The following RANGRF variants were observed in gnomAD, a reference collection of about 807,000 sequenced individuals.
RANGRF encodes RAN guanine nucleotide release factor.
RANGRF carries 17 observed loss-of-function variants against 21.8 expected under a neutral mutation model. The ratio of observed to expected loss-of-function variants is 0.78; its 90% confidence interval spans 0.53 to 1.17. The LOEUF (loss-of-function observed/expected upper bound fraction) is 1.17. Among genes scored for constraint, RANGRF ranks in the 50% most tolerant of loss-of-function variants. The pLI is 0.00. For synonymous variants in RANGRF, 97 were observed against 94.3 expected (o/e 1.03, Z -0.17); for missense variants, 225 against 235.5 (o/e 0.96, Z 0.29).
chr17:8,289,466 G>A lies in RANGRF; in HGVS notation c.352-37G>A, dbSNP rs1408595396. 5.6e-6 allele frequency: 9 copies of A among 1,614,066 alleles called. No homozygotes were observed. In the South Asian group the frequency reaches 9.9e-5, roughly 18 times the overall value. On this transcript the variant is annotated intron_variant, in intron 3 of 4. Transcript: ENST00000226105. ...CTGGAAGGGCGGTAGCGGGGACGCAGAGATCCAGGTAAGCATCCTGACTCT... is the reference window on the plus strand; with the variant it reads ...CTGGAAGGGCGGTAGCGGGGACGCAAAGATCCAGGTAAGCATCCTGACTCT...
rs751151619 is a variant in RANGRF at position 8,289,609 on chromosome 17, G to C, written c.437+21G>C. 11 of 1,609,776 alleles carry C rather than the reference G, an allele frequency of 6.8e-6. No homozygotes were observed. In the South Asian group the frequency reaches 1.2e-4, roughly 18 times the overall value. On this transcript the variant is annotated intron_variant, in intron 4 of 4. Coordinates refer to ENST00000226105, the MANE Select transcript of RANGRF (RefSeq NM_016492.5). The stretch of plus-strand genomic sequence containing the variant: ...CCCCCGTAAGGAGGAAGGAACGGGC[G>C]GGTATCTCATGACTGGGTTCCCAGG...
rs1990230697 is a variant in RANGRF, at chr17:8,288,694, C to T, written c.-95C>T. On this transcript the variant is annotated 5_prime_UTR_variant, in exon 1 of 5. Coordinates refer to ENST00000226105, the MANE Select transcript of RANGRF (RefSeq NM_016492.5). Reference sequence around the variant, plus strand: ...CGGGAGCTAAGCCAGACCCGGGTGGCGGTGGCAGCTGCGAAACCCAGGGAG... The same window carrying T: ...CGGGAGCTAAGCCAGACCCGGGTGGTGGTGGCAGCTGCGAAACCCAGGGAG... The T allele has an allele frequency of 3.6e-6, 5 of 1,372,456 alleles. No individual in the cohort carries two copies. Among genetic ancestry groups the T allele is most frequent in the East Asian group, 2.3e-5 (1 of 43,586 alleles). The allele number at this position is 1,372,456 out of a possible 1,614,324, so 85.0% of individuals were successfully genotyped here.
At position 8,290,038 on chromosome 17, in the gene RANGRF, G is replaced by A; in HGVS notation, c.*102G>A. ...GGGTTTCCTCTTATTTCTTCCCTGT[G>A]CGTAAACATAAGACAATCCCTCTTC... On this transcript the variant is annotated 3_prime_UTR_variant, in exon 5 of 5. Transcript: ENST00000226105. 6.3e-7 allele frequency: 1 copy of A among 1,597,402 alleles called. No homozygotes were observed. Among genetic ancestry groups the A allele is most frequent in the Non-Finnish European group, 8.6e-7 (1 of 1,169,428 alleles).
Position 8,289,550 on chromosome 17 carries a change from G to T in RANGRF, c.399G>T (p.Gln133His). 6.2e-7 allele frequency: 1 copy of T among 1,614,066 alleles called. No individual in the cohort carries two copies. Among genetic ancestry groups the T allele is most frequent in the Non-Finnish European group, 8.5e-7 (1 of 1,179,958 alleles). Residue 133 changes from glutamine to histidine, a missense_variant, in exon 4 of 5, where the codon CAG (glutamine) becomes CAT (histidine). Coordinates refer to ENST00000226105, the MANE Select transcript of RANGRF (RefSeq NM_016492.5). The part of the protein sequence containing the change: ...TLHQALLRLP[Q>H]YQTDLLLTFN... ...ATCAGGCCTTGCTGAGGCTGCCCCA[G>T]TACCAGACTGATCTCTTGCTTACCT...
At position 8,288,877 on chromosome 17, in the gene RANGRF, G is replaced by A; in HGVS notation, c.77+12G>A. Reference sequence around the variant, plus strand: ...GCCATTGACGTAAGGTGAGAAGGCCGGGGCGCCCAGGGGCGGCTGACTGGG... The same window carrying A: ...GCCATTGACGTAAGGTGAGAAGGCCAGGGCGCCCAGGGGCGGCTGACTGGG... On this transcript the variant is annotated intron_variant, in intron 1 of 4. Coordinates refer to ENST00000226105, the MANE Select transcript of RANGRF (RefSeq NM_016492.5). 18 of 1,614,158 alleles carry A rather than the reference G, an allele frequency of 1.1e-5. No homozygotes were observed. Among genetic ancestry groups the A allele is most frequent in the Non-Finnish European group, 1.4e-5 (17 of 1,179,994 alleles).
chr17:8,289,355 C>T lies in RANGRF; in HGVS notation c.292C>T (p.Arg98Cys), dbSNP rs2151609771. The T allele has an allele frequency of 6.2e-7, 1 of 1,614,130 alleles. No individual in the cohort carries two copies. The highest frequency in any genetic ancestry group is 2.2e-5 in the East Asian group (1 of 44,878). The change falls in exon 3 of 5, where the codon CGC becomes TGC. Residue 98 changes from arginine to cysteine, a missense_variant. By Grantham distance (180) the Arg-to-Cys change is radical. Coordinates refer to ENST00000226105, the MANE Select transcript of RANGRF (RefSeq NM_016492.5). The part of the protein sequence containing the change: ...LSLENLALRG[R>C]CQEAWVLSGK... ...TTTGGAGAACCTGGCCCTGAGGGGC[C>T]GCTGTCAAGAAGCCTGGGTCCTCTC...
rs201506936 is a variant in RANGRF at position 8,289,305 on chromosome 17, A to C, written c.242A>C (p.His81Pro). The C allele has an allele frequency of 1.2e-6, 2 of 1,614,088 alleles. No individual in the cohort carries two copies. Among genetic ancestry groups the C allele is most frequent in the Non-Finnish European group, 1.7e-6 (2 of 1,180,018 alleles). The stretch of plus-strand genomic sequence containing the variant: ...GGCGTGCAGGGGGCTAGGGCTGTCC[A>C]TGTGGAGTCTGTTCAGCCTCTCAGT... The part of the protein sequence containing the change: ...VGGVQGARAV[H>P]VESVQPLSLE... Residue 81 changes from histidine (H) to proline (P), a missense_variant, in exon 3 of 5, where the codon CAT becomes CCT. Coordinates refer to ENST00000226105, the MANE Select transcript of RANGRF (RefSeq NM_016492.5).
In RANGRF at chr17:8,289,178, G is replaced by A. The variant is rs1990279285; in HGVS notation, c.195-80G>A. ...GGGCGGTGAGACCACGCACGGGCCG[G>A]GAGCCAGGCCTGCAACTTAAAGATG... On this transcript the variant is annotated intron_variant, in intron 2 of 4. Transcript: ENST00000226105. 2.5e-6 allele frequency: 4 copies of A among 1,602,728 alleles called. No homozygotes were observed. In the South Asian group the frequency reaches 3.3e-5, roughly 13 times the overall value.
Position 8,289,644 on chromosome 17 carries a change from C to T in RANGRF, c.437+56C>T, listed in dbSNP as rs768988121. The stretch of plus-strand genomic sequence containing the variant: ...TGACTGGGTTCCCAGGAGAATCGGG[C>T]TGGGAGGGACAGAACAGGGAGACTC... On this transcript the variant is annotated intron_variant, in intron 4 of 4. Transcript: ENST00000226105. The T allele has an allele frequency of 1.1e-4, 176 of 1,605,584 alleles. 5 individuals carry two copies. In the East Asian group the frequency reaches 3.9e-3, roughly 36 times the overall value.
In RANGRF at chr17:8,289,348, G is replaced by C. The variant is rs756226505; in HGVS notation, c.285G>C (p.Leu95=). ...CTCTCAGTTTGGAGAACCTGGCCCT[G>C]AGGGGCCGCTGTCAAGAAGCCTGGG... ...VQPLSLENLA[L]RGRCQEAWVL... is the part of the protein sequence containing the mutation. Residue 95 remains leucine (L), a synonymous_variant, in exon 3 of 5, where the codon CTG becomes CTC. Transcript: ENST00000226105. 11 of 1,614,058 alleles carry C rather than the reference G, an allele frequency of 6.8e-6. No individual in the cohort carries two copies. In the East Asian group the frequency reaches 1.8e-4, roughly 26 times the overall value.
Position 8,289,397 on chromosome 17 carries a change from G to T in RANGRF, c.334G>T (p.Ala112Ser). 1 of 1,614,072 alleles carries T rather than the reference G, an allele frequency of 6.2e-7. No homozygotes were observed. The highest frequency in any genetic ancestry group is 1.1e-5 in the South Asian group (1 of 91,086). ...GGTCCTCTCTGGCAAGCAGCAGATA[G>T]CTAAGGAAAACCAGCAGGTGAGGGC... The part of the protein sequence containing the change: ...AWVLSGKQQI[A>S]KENQQVAKDV... Residue 112 changes from alanine (A) to serine (S), a missense_variant, in exon 3 of 5, where the codon GCT (alanine) becomes TCT (serine). Ala to Ser is a moderately conservative substitution (Grantham distance 99). Coordinates refer to ENST00000226105, the MANE Select transcript of RANGRF (RefSeq NM_016492.5).
At position 8,289,921 on chromosome 17, in the gene RANGRF, C is replaced by A. The variant is rs770934461; in HGVS notation, c.546C>A (p.Ile182=). Residue 182 remains isoleucine, a synonymous_variant, in exon 5 of 5, where the codon ATC becomes ATA. Coordinates refer to ENST00000226105, the MANE Select transcript of RANGRF (RefSeq NM_016492.5). ...VTSLTLHDPN[I]FGPQ is the part of the protein sequence containing the mutation. ...GTCTGACCCTTCACGATCCTAACAT[C>A]TTTGGTCCCCAGTAAAGGCGCTGAA... 6.2e-7 allele frequency: 1 copy of A among 1,614,156 alleles called. No individual in the cohort carries two copies. The highest frequency in any genetic ancestry group is 8.5e-7 in the Non-Finnish European group (1 of 1,180,032).
chr17:8,289,502 G>C lies in RANGRF; in HGVS notation c.352-1G>C. On this transcript the variant is annotated splice_acceptor_variant, in intron 3 of 4. Transcript: ENST00000226105. LOFTEE classifies it high-confidence loss of function. The stretch of plus-strand genomic sequence containing the variant: ...AAGCATCCTGACTCTGATCCCCTTA[G>C]GTAGCAAAGGACGTGACACTTCATC... The C allele has an allele frequency of 3.7e-6, 6 of 1,614,184 alleles. No individual in the cohort carries two copies. The highest frequency in any genetic ancestry group is 5.1e-6 in the Non-Finnish European group (6 of 1,180,042).
At chr17:8,289,690 AAGCAGGAGTGGGCC>A in intron 4 of RANGRF, 102 bp downstream of exon 4, 1 of 1,609,576 alleles carries the variant, frequency 6.2e-7, no homozygotes, top group Non-Finnish European at 8.5e-7. Context: ...TCCTCCAAGG[AAGCAGGAGTGGGCC>A]AGAGGTTTGG....
chr17:8,289,010 C>G lies in RANGRF; in HGVS notation c.132C>G (p.Asp44Glu). 1 of 1,614,116 alleles carries G rather than the reference C, an allele frequency of 6.2e-7. No individual in the cohort carries two copies. The highest frequency in any genetic ancestry group is 8.5e-7 in the Non-Finnish European group (1 of 1,180,032). Residue 44 changes from aspartate (D) to glutamate (E), a missense_variant, in exon 2 of 5, where the codon GAC becomes GAG. Physicochemically the swap from Asp to Glu is conservative, Grantham distance 45. Transcript: ENST00000226105. ...AAGTTTTCTGCCATCCCGTGACGGA[C>G]CAGAGCCTGATAGTGGAACTTCTCG... is the stretch of plus-strand genomic sequence containing the variant. ...NQEVFCHPVT[D>E]QSLIVELLEL...
intron 3 of RANGRF, 41 bp from the exon 4 acceptor site, chr17:8,289,462 C>T (rs1990306305): frequency 6.2e-7 from 1 of 1,614,108 alleles, no homozygotes; most frequent in Non-Finnish European, 8.5e-7. Flanking sequence ...GTAGCGGGGA[C>T]GCAGAGATCC....
chr17:8,289,182 C>T (rs1597440841), intron 2 of RANGRF, 76 bp from the exon 3 acceptor site: 1 of 1,602,368 alleles, frequency 6.2e-7, no homozygotes, highest in East Asian at 2.2e-5. Context: ...GGGCCGGGAG[C>T]CAGGCCTGCA....
At position 8,289,409 on chromosome 17, in the gene RANGRF, C is replaced by A; in HGVS notation, c.346C>A (p.Gln116Lys). ...CAAGCAGCAGATAGCTAAGGAAAAC[C>A]AGCAGGTGAGGGCCCGAGAGTGTGT... ...SGKQQIAKEN[Q>K]QVAKDVTLHQ... The change falls in exon 3 of 5, where the codon CAG (glutamine) becomes AAG (lysine). Residue 116 changes from glutamine to lysine, a missense_variant. Coordinates refer to ENST00000226105, the MANE Select transcript of RANGRF (RefSeq NM_016492.5). 6.2e-7 allele frequency: 1 copy of A among 1,614,050 alleles called. No individual in the cohort carries two copies. Among genetic ancestry groups the A allele is most frequent in the Non-Finnish European group, 8.5e-7 (1 of 1,179,966 alleles).
At chr17:8,288,934 G>C (rs906776643) in intron 1 of RANGRF, 22 bp from the exon 2 acceptor site, 2 of 1,613,988 alleles carry the variant, frequency 1.2e-6, no homozygotes, top group African/African-American at 2.7e-5. Context: ...GGTCAACCAG[G>C]GTCTGCCTCG....
Sources: gnomAD v4.1 joint callset for allele counts on GRCh38, gnomAD v4.1.1 for gene constraint, MANE v1.5 for transcripts, NCBI Gene and HGNC (gene_info 2026-07-23, HGNC 2026-07-21) for gene names.